The following NOL8 variants were observed in gnomAD, a reference collection of about 807,000 sequenced individuals.
NOL8 encodes nucleolar protein 8.
Under a neutral mutation model 116.1 loss-of-function variants are expected in NOL8, and 93 were observed. The ratio of observed to expected loss-of-function variants is 0.80; its 90% CI spans 0.68 to 0.95. The LOEUF is 0.95. Ranked by LOEUF, NOL8 falls within the 40% of genes least tolerant of loss-of-function variation. The pLI, the probability that NOL8 is intolerant of heterozygous loss-of-function variation, is 0.00. For synonymous variants in NOL8, 419 were observed against 469.0 expected (o/e 0.89, Z 1.38); for missense variants, 1,291 against 1,382.8 (o/e 0.93, Z 1.05).
At chr9:92,298,492 A>C (rs1381912884) in intron 15 of NOL8, 156 bp from the exon 16 acceptor site, 1 of 563,206 alleles carries the variant, frequency 1.8e-6, no homozygotes, top group Non-Finnish European at 3.1e-6. Flanking sequence ...TTTTCTTTCC[A>C]AATGAAAAAT....
At chr9:92,298,389 T>C in intron 15 of NOL8, 53 bp from the exon 16 acceptor site, 2 of 1,146,526 alleles carry the variant, frequency 1.7e-6, no homozygotes, top group Non-Finnish European at 2.6e-6. Context: ...CTAAAATTGG[T>C]AATATTCTAA....
chr9:92,315,624 A>G lies in NOL8; in HGVS notation c.1001T>C (p.Phe334Ser). The change falls in exon 7 of 17, where the codon TTT (phenylalanine) becomes TCT (serine). Residue 334 changes from phenylalanine (F) to serine (S), a missense_variant. Physicochemically the swap from Phe to Ser is radical, Grantham distance 155 (BLOSUM62 -2). Coordinates refer to ENST00000442668, the MANE Select transcript of NOL8 (RefSeq NM_017948.6). ...PSINESESDPFEVVRDDFKSG... is the reference protein window; with the variant it reads ...PSINESESDPSEVVRDDFKSG... ...TTTGAAATCATCCCTTACAACTTCA[A>G]AAGGATCACTTTCAGATTCATTTAT... The G allele has an allele frequency of 6.2e-7, 1 of 1,613,392 alleles. No individual in the cohort carries two copies.
chr9:92,304,821 G>C (rs1015397659), intron 12 of NOL8, among the ~76,000 whole-genome samples: 1 of 152,052 alleles, frequency 6.6e-6, no homozygotes, highest in Non-Finnish European at 1.5e-5. Context: ...ACTAAACTCA[G>C]ACATTGTTTT....
chr9:92,301,546 A>G lies in NOL8; in HGVS notation c.3175+5T>C. The G allele has an allele frequency of 6.4e-7, 1 of 1,566,016 alleles. No homozygotes were observed. ...ATAAAAAAGTATGGGAAAAAAGAAA[A>G]GTACCTTCCTTTATGTCTTTAGTGT... On this transcript the variant is annotated splice_donor_5th_base_variant and intron_variant, in intron 13 of 16. Coordinates refer to ENST00000442668, the MANE Select transcript of NOL8 (RefSeq NM_017948.6).
chr9:92,301,786 C>T lies in NOL8; in HGVS notation c.2940G>A (p.Glu980=). 1 of 1,597,862 alleles carries T rather than the reference C, an allele frequency of 6.3e-7. No individual in the cohort carries two copies. Among genetic ancestry groups the T allele is most frequent in the Non-Finnish European group, 8.5e-7 (1 of 1,171,284 alleles). ...TTTCTTTAGACACCTCAGGTAGTTT[C>T]TCAGCTTCCTCCCTTTTCTTTTTTC... ...AKRKKKREEA[E]KLPEVSKEMY... The change falls in exon 13 of 17, where the codon GAG becomes GAA. Residue 980 remains glutamate (E), a synonymous_variant. Transcript: ENST00000442668.
chr9:92,299,843 GA>G (rs1564200766), intron 14 of NOL8, 46 bp downstream of exon 14: 2 of 1,592,716 alleles, frequency 1.3e-6, no homozygotes, highest in African/African-American at 1.3e-5. Flanking sequence ...GTCTAATTCA[GA>G]TTTTACAAAT....
chr9:92,311,614 G>A (rs532459730), intron 7 of NOL8, among the ~76,000 whole-genome samples: 1 of 152,238 alleles, frequency 6.6e-6, no homozygotes, highest in Admixed American at 6.5e-5. Flanking sequence ...CAACATCACT[G>A]ATCATTAGAG....
At position 92,315,515 on chromosome 9, in the gene NOL8, CATAAT is replaced by C. The variant is rs775191716; in HGVS notation, c.1105_1109del (p.Ile369GlufsTer3). The stretch of plus-strand genomic sequence containing the variant: ...CTGAGTCATACTCACGATCATTTCT[CATAAT>C]ATCATCATCACTATCATGGCAAGAG... On this transcript the variant is annotated frameshift_variant, in exon 7 of 17. Coordinates refer to ENST00000442668, the MANE Select transcript of NOL8 (RefSeq NM_017948.6). LOFTEE classifies it high-confidence loss of function. 1.9e-6 allele frequency: 3 copies of C among 1,610,758 alleles called. No homozygotes were observed. In the African/African-American group the frequency reaches 4.0e-5, roughly 22 times the overall value.
chr9:92,310,206 C>T lies in NOL8; in HGVS notation c.2651G>A (p.Arg884Gln), dbSNP rs371559920. The change falls in exon 10 of 17, where the codon CGA (arginine) becomes CAA (glutamine). Residue 884 changes from arginine (R) to glutamine (Q), a missense_variant. Transcript: ENST00000442668. ...CTCTTCACTGTCAGTTTCTAGAAAT[C>T]GAGAGTCCATGCGGAATCTGTCATC... The part of the protein sequence containing the change: ...GTDDRFRMDS[R>Q]FLETDSEEEQ... 15 of 1,609,844 alleles carry T rather than the reference C, an allele frequency of 9.3e-6. No homozygotes were observed. Among genetic ancestry groups the T allele is most frequent in the Admixed American group, 8.4e-5 (5 of 59,466 alleles).
chr9:92,318,534 T>C (rs1463344860), intron 6 of NOL8, 84 bp downstream of exon 6: 4 of 966,596 alleles, frequency 4.1e-6, no homozygotes, highest in Non-Finnish European at 6.3e-6. Flanking sequence ...AAAGATTCAC[T>C]GATAAGAGAC....
rs1174039314 is a variant in NOL8, at chr9:92,316,123, G to A, written c.502C>T (p.Pro168Ser). ...QHKRKIIKYD[P>S]SKYCHNLKKI... ...TTCAGGTTGTGGCAGTATTTTGAGG[G>A]ATCATATTTGATGATGTTACGCAAG... is the stretch of plus-strand genomic sequence containing the variant. The change falls in exon 7 of 17, where the codon CCC (proline) becomes TCC (serine). Residue 168 changes from proline to serine, a missense_variant. Pro to Ser is a moderately conservative substitution (Grantham distance 74, BLOSUM62 -1). Coordinates refer to ENST00000442668, the MANE Select transcript of NOL8 (RefSeq NM_017948.6). 4.3e-6 allele frequency: 7 copies of A among 1,612,730 alleles called. No homozygotes were observed. The East Asian group carries it at 1.3e-4, about 31-fold the overall frequency.
intron 16 of NOL8, 84 bp from the exon 17 acceptor site, chr9:92,297,970 A>C: frequency 5.8e-5 from 68 of 1,182,396 alleles, no homozygotes; most frequent in Middle Eastern, 1.9e-4. Flanking sequence ...GGTTATTCTC[A>C]CTGTCAGGGC....
In NOL8 at chr9:92,318,693, GA is replaced by G. The variant is rs756440973; in HGVS notation, c.418-8del. 8.2e-5 allele frequency: 124 copies of G among 1,512,064 alleles called. No homozygotes were observed. Among genetic ancestry groups the G allele is most frequent in the African/African-American group, 4.0e-4 (28 of 69,676 alleles). The allele number at this position is 1,512,064 out of a possible 1,614,324, so 93.7% of individuals were successfully genotyped here. A position where few individuals can be genotyped will look rare whatever the true frequency, so the allele number is the denominator to read the frequency against. On this transcript the variant is annotated splice_polypyrimidine_tract_variant and splice_region_variant and intron_variant, in intron 5 of 16. Coordinates refer to ENST00000442668, the MANE Select transcript of NOL8 (RefSeq NM_017948.6). ...ATTTGCTCACAACCCAATTCTAAAA[GA>G]AAAAAAAAGAATTTATTTACTATAT...
Position 92,298,264 on chromosome 9 carries a change from A to C in NOL8, c.3446T>G (p.Leu1149Arg). 6.2e-7 allele frequency: 1 copy of C among 1,604,158 alleles called. No individual in the cohort carries two copies. Among genetic ancestry groups the C allele is most frequent in the Non-Finnish European group, 8.5e-7 (1 of 1,174,202 alleles). The change falls in exon 16 of 17, where the codon CTG (leucine) becomes CGG (arginine). Residue 1149 changes from leucine to arginine, a missense_variant. Transcript: ENST00000442668. ...RNSWEARTTN[L>R]RMDCRKKHKD... ...GGAGAAACAATTACTCACCATACGC[A>C]GGTTGGTTGTTCTGGCCTCCCAAGA...
In NOL8 at chr9:92,315,109, T is replaced by C. The variant is rs867683510; in HGVS notation, c.1516A>G (p.Thr506Ala). Reference sequence around the variant, plus strand: ...GTGGTTTCTGGTCCATCACTCTTAGTATCTTCATTTGGAACCTTCAGATCA... The same window carrying C: ...GTGGTTTCTGGTCCATCACTCTTAGCATCTTCATTTGGAACCTTCAGATCA... ...GSDLKVPNED[T>A]KSDGPETTTQ... Residue 506 changes from threonine (T) to alanine (A), a missense_variant, in exon 7 of 17, where the codon ACT (threonine) becomes GCT (alanine). Transcript: ENST00000442668. 1.2e-6 allele frequency: 2 copies of C among 1,613,896 alleles called. No homozygotes were observed. Among genetic ancestry groups the C allele is most frequent in the Middle Eastern group, 1.6e-4 (1 of 6,084 alleles).
chr9:92,309,023 G>C (rs763303437), intron 10 of NOL8: 5 of 152,230 alleles, frequency 3.3e-5, no homozygotes, highest in Non-Finnish European at 7.3e-5. Context: ...ATGGAGGCTG[G>C]CTGTGCTGCT....
In NOL8 at chr9:92,297,690, ATGGC is replaced by A; in HGVS notation, c.*142_*145del. 1.6e-6 allele frequency: 1 copy of A among 620,112 alleles called. No homozygotes were observed. The highest frequency in any genetic ancestry group is 2.2e-5 in the South Asian group (1 of 46,132). 38.4% of individuals were successfully genotyped at this position (620,112 alleles called of 1,614,324 possible). ...ATGCAGAGGAGTTCCACAGAAAAAG[ATGGC>A]AACCAGAATGATATTCCGTCAGCCA... On this transcript the variant is annotated 3_prime_UTR_variant, in exon 17 of 17. Transcript: ENST00000442668.
At chr9:92,314,240 A>G (rs775252101) in intron 7 of NOL8, 27 bp downstream of exon 7, 27 of 1,521,698 alleles carry the variant, frequency 1.8e-5, no homozygotes, top group Non-Finnish European at 2.4e-5. Flanking sequence ...AGTTCTTGTT[A>G]AATCCATACA....
At chr9:92,316,356 A>C (rs1298509760) in intron 6 of NOL8, among the ~76,000 whole-genome samples, 1 of 152,178 alleles carries the variant, frequency 6.6e-6, no homozygotes, top group African/African-American at 2.4e-5. Flanking sequence ...CACCACTATT[A>C]GTTGGCAGAA....
Sources: allele counts gnomAD v4.1 joint callset (sites outside exome capture counted in the v4.1 genomes callset), GRCh38; gene constraint gnomAD v4.1.1; transcripts MANE v1.5; gene names NCBI Gene and HGNC (gene_info 2026-07-23, HGNC 2026-07-21).